The following CBR4 variants were observed in gnomAD, a reference collection of about 807,000 sequenced individuals.
CBR4 encodes the protein 3-oxoacyl-[acyl-carrier-protein] reductase.
CBR4 carries 22 observed loss-of-function variants against 21.0 expected under a neutral mutation model. That is an observed-to-expected ratio of 1.05 (90% CI 0.75 to 1.50). The LOEUF (loss-of-function observed/expected upper bound fraction) is 1.50, where lower values mean the gene tolerates loss of function less well. Among genes scored for constraint, CBR4 ranks in the 40% most tolerant of loss-of-function variants. The pLI is 0.00. For missense variants in CBR4, 302 were observed against 286.3 expected (o/e 1.05, Z -0.40); for synonymous variants, 100 against 104.4 (o/e 0.96, Z 0.26).
intron 2 of CBR4, chr4:168,904,079 A>T: frequency 1.5e-6 from 1 of 649,384 alleles, no homozygotes; most frequent in South Asian, 1.8e-5. Flanking sequence ...TCTTTGTTTC[A>T]TGAATACTTA....
intron 4 of CBR4, among the ~76,000 whole-genome samples, chr4:168,997,517 C>T (rs1435783858): frequency 6.6e-6 from 1 of 152,068 alleles, no homozygotes; most frequent in Non-Finnish European, 1.5e-5. Flanking sequence ...TCGCTTGAAC[C>T]CAGAAGGTCT....
chr4:168,988,003 G>T lies in CBR4; in HGVS notation c.*2147C>A, dbSNP rs543639474. The T allele has an allele frequency of 1.6e-5, 16 of 985,248 alleles. No individual in the cohort carries two copies. The highest frequency in any genetic ancestry group is 1.9e-5 in the Non-Finnish European group (16 of 829,900). 61.0% of individuals were successfully genotyped at this position (985,248 alleles called of 1,614,324 possible). ...AACCCTTATGGGCTCATAGGAGTCA[G>T]CAAACAGCTACAGATGAGTCTTCTT... On this transcript the variant is annotated 3_prime_UTR_variant, in exon 5 of 5. Transcript: ENST00000306193.
At position 168,989,623 on chromosome 4, in the gene CBR4, C is replaced by G; in HGVS notation, c.*527G>C. 1 of 985,060 alleles carries G rather than the reference C, an allele frequency of 1.0e-6. No homozygotes were observed. Among genetic ancestry groups the G allele is most frequent in the East Asian group, 1.1e-4 (1 of 8,808 alleles). The allele number at this position is 985,060 out of a possible 1,614,324, so 61.0% of individuals were successfully genotyped here. A position where few individuals can be genotyped will look rare whatever the true frequency, so the allele number is the denominator to read the frequency against. ...ATACTCTTATTTTGGCAACAGCCCA[C>G]AAGGTTAACTTTTAGAAAATTCAGC... On this transcript the variant is annotated 3_prime_UTR_variant, in exon 5 of 5. Transcript: ENST00000306193.
intron 2 of CBR4, among the ~76,000 whole-genome samples, chr4:168,941,404 A>G (rs895038905): frequency 6.6e-6 from 1 of 152,226 alleles, no homozygotes; most frequent in Non-Finnish European, 1.5e-5. Flanking sequence ...AGTATATGCA[A>G]ATCAGTAAAC....
At position 168,963,250 on chromosome 4, in the gene CBR4, C is replaced by T. The variant is rs558088438; in HGVS notation, n.169+38821G>A. Among the ~76,000 whole-genome samples the T allele has an allele frequency of 2.0e-5, 3 of 152,176 alleles. No individual in the cohort carries two copies. In the South Asian group the frequency reaches 6.2e-4, roughly 32 times the overall value. ...GTTTTATCCTGATGTTATCATAGCA[C>T]CTCAGCTAGGAAAAATTAAAATGCT... On this transcript the variant is annotated intron_variant and non_coding_transcript_variant, in intron 2 of 3. Transcript: ENST00000509108.
At position 168,996,491 on chromosome 4, in the gene CBR4, T is replaced by C. The variant is rs115718066; in HGVS notation, c.535+5580A>G. Among the ~76,000 whole-genome samples the C allele has an allele frequency of 5.2e-3, 781 of 150,780 alleles. 4 individuals carry two copies. The highest frequency in any genetic ancestry group is 0.018 in the African/African-American group (723 of 41,018). The stretch of plus-strand genomic sequence containing the variant: ...ATTACAACTGATAAACCAATATTGA[T>C]ACATTATTAAGTAAAGTCCATAGTT... On this transcript the variant is annotated intron_variant, in intron 4 of 4. Transcript: ENST00000306193.
At chr4:168,938,172 C>T (rs779275647) in intron 2 of CBR4, among the ~76,000 whole-genome samples, 6 of 152,138 alleles carry the variant, frequency 3.9e-5, no homozygotes, top group Admixed American at 1.3e-4. Flanking sequence ...CTCAAAACCA[C>T]GTAATTACAT....
intron 2 of CBR4, among the ~76,000 whole-genome samples, chr4:168,915,055 C>T (rs1246316462): frequency 6.6e-6 from 1 of 152,174 alleles, no homozygotes; most frequent in Non-Finnish European, 1.5e-5. Context: ...CATTTTTAAG[C>T]CTTTCCTTAT....
chr4:168,955,704 A>G (rs937826550), intron 2 of CBR4, among the ~76,000 whole-genome samples: 2 of 152,202 alleles, frequency 1.3e-5, no homozygotes, highest in African/African-American at 2.4e-5. Flanking sequence ...TATGGATCAA[A>G]GATTAAAGGC....
intron 4 of CBR4, 107 bp downstream of exon 4, chr4:169,001,964 A>G: frequency 4.6e-6 from 5 of 1,088,484 alleles, no homozygotes; most frequent in Non-Finnish European, 6.2e-6. Flanking sequence ...TTTCACAATC[A>G]TTTTACAAAC....
chr4:168,894,788 C>A, intron 2 of CBR4: 1 of 1,524,334 alleles, frequency 6.6e-7, no homozygotes, highest in Non-Finnish European at 8.8e-7. Context: ...GAGGGCAAGT[C>A]ACAGAAAAGC....
intron 4 of CBR4, among the ~76,000 whole-genome samples, chr4:169,000,740 T>G (rs541040918): frequency 6.6e-6 from 1 of 152,274 alleles, no homozygotes; most frequent in South Asian, 2.1e-4. Context: ...TAATCAAAAT[T>G]TCTAGCACAC....
Position 168,940,973 on chromosome 4 carries a change from C to T in CBR4, n.170-46208G>A, listed in dbSNP as rs112993735. ...ATAAATCATTCTACTATAAAGACAA[C>T]GCACACGTATGTATACTGCAGCACT... is the stretch of plus-strand genomic sequence containing the variant. On this transcript the variant is annotated intron_variant and non_coding_transcript_variant, in intron 2 of 3. Coordinates refer to the CBR4 transcript ENST00000509108. Among the ~76,000 whole-genome samples, 458 of 152,254 alleles carry T rather than the reference C, an allele frequency of 3.0e-3. 1 individual carries two copies. The highest frequency in any genetic ancestry group is 0.01 in the African/African-American group (435 of 41,554).
intron 3 of CBR4, 21 bp downstream of exon 3, chr4:169,006,734 T>C (rs567579884): frequency 3.0e-4 from 477 of 1,599,290 alleles, no homozygotes; most frequent in South Asian, 9.9e-4. Context: ...TAATCATAAA[T>C]TCACAAAGGT....
chr4:168,965,552 T>G (rs189906053), intron 2 of CBR4, among the ~76,000 whole-genome samples: 11 of 151,544 alleles, frequency 7.3e-5, no homozygotes, highest in Admixed American at 3.3e-4. Flanking sequence ...CCAAAACAGA[T>G]ATATAGACCA....
intron 2 of CBR4, among the ~76,000 whole-genome samples, chr4:168,972,001 C>T (rs1484707066): frequency 1.3e-5 from 2 of 152,210 alleles, no homozygotes; most frequent in African/African-American, 4.8e-5. Flanking sequence ...CATTCTTCCA[C>T]ATGTGGCTTG....
chr4:169,004,049 A>T (rs1318712771), intron 3 of CBR4, among the ~76,000 whole-genome samples: 1 of 152,160 alleles, frequency 6.6e-6, no homozygotes, highest in East Asian at 1.9e-4. Context: ...TACATATGTA[A>T]CTAACCTGCA....
intron 2 of CBR4, among the ~76,000 whole-genome samples, chr4:168,906,537 G>A (rs1007306060): frequency 3.3e-5 from 5 of 151,930 alleles, no homozygotes; most frequent in African/African-American, 1.2e-4. Flanking sequence ...AATCTCCCTT[G>A]GATCATTCCA....
chr4:168,921,723 C>T lies in CBR4; in HGVS notation n.170-26958G>A. The T allele has an allele frequency of 3.1e-6, 5 of 1,611,420 alleles. No individual in the cohort carries two copies. The highest frequency in any genetic ancestry group is 4.2e-6 in the Non-Finnish European group (5 of 1,179,660). The stretch of plus-strand genomic sequence containing the variant: ...CCGAGCAGGACAGAACTCATTCAGC[C>T]TGGAGCTTGTGGTTGCTGGTAGGCT... On this transcript the variant is annotated intron_variant and non_coding_transcript_variant, in intron 2 of 3. Coordinates refer to the CBR4 transcript ENST00000509108.
Sources: allele counts gnomAD v4.1 joint callset (sites outside exome capture counted in the v4.1 genomes callset), GRCh38; gene constraint gnomAD v4.1.1; transcripts MANE v1.5; gene names NCBI Gene and HGNC (gene_info 2026-07-23, HGNC 2026-07-21).